Variants in VWCE observed in about 807,000 individuals in gnomAD.
VWCE encodes the protein von Willebrand factor C and EGF domain-containing protein.
In VWCE, 68 loss-of-function variants were observed where a neutral mutation model predicts 102.9. That is an observed-to-expected ratio of 0.66 (90% CI 0.54 to 0.81). The LOEUF is 0.81. VWCE is among the 30% of genes least tolerant of loss of function. The pLI is 0.00. For synonymous variants in VWCE, 497 were observed against 515.4 expected (o/e 0.96, Z 0.48); for missense variants, 1,137 against 1,263.6 (o/e 0.90, Z 1.52).
chr11:61,274,464 A>G, intron 12 of VWCE, 35 bp downstream of exon 12: 2 of 1,601,780 alleles, frequency 1.2e-6, no homozygotes, highest in Non-Finnish European at 8.5e-7. Context: ...CCTCTCCATC[A>G]ATTCCACAGG....
At position 61,285,331 on chromosome 11, in the gene VWCE, C is replaced by T. The variant is rs149873491; in HGVS notation, c.541+983G>A. The stretch of plus-strand genomic sequence containing the variant: ...TCAGGGGGAGGTCACAATTATCGGC[C>T]TTGTGAGATTCTTTCCATAATGTGT... On this transcript the variant is annotated intron_variant, in intron 5 of 19. Coordinates refer to ENST00000335613, the MANE Select transcript of VWCE (RefSeq NM_152718.2). Among the ~76,000 whole-genome samples, 751 of 152,158 alleles carry T rather than the reference C, an allele frequency of 4.9e-3. 9 individuals carry two copies. Among genetic ancestry groups the T allele is most frequent in the African/African-American group, 0.017 (703 of 41,504 alleles).
At chr11:61,282,714 G>A (rs916277068) in intron 6 of VWCE, 75 bp downstream of exon 6, 28 of 1,219,522 alleles carry the variant, frequency 2.3e-5, no homozygotes, top group African/African-American at 1.5e-4. Flanking sequence ...TAACCTTCCC[G>A]GGTCCCTGGG....
Position 61,281,151 on chromosome 11 carries a change from G to A in VWCE, c.872C>T (p.Ala291Val), listed in dbSNP as rs773828849. 7.4e-6 allele frequency: 12 copies of A among 1,613,640 alleles called. No homozygotes were observed. In the African/African-American group the frequency reaches 1.5e-4, roughly 20 times the overall value. The change falls in exon 8 of 20, where the codon GCC becomes GTC. Residue 291 changes from alanine (A) to valine (V), a missense_variant. Physicochemically the swap from Ala to Val is moderately conservative, Grantham distance 64 (BLOSUM62 0). Coordinates refer to ENST00000335613, the MANE Select transcript of VWCE (RefSeq NM_152718.2). Reference sequence around the variant, plus strand: ...TCCTGGGGACAGGGCAGGCCGGCCGGCCTCAGGAAGCAACAGAAGCATCTT... The same window carrying A: ...TCCTGGGGACAGGGCAGGCCGGCCGACCTCAGGAAGCAACAGAAGCATCTT... ...PSKMLLLLPEAGRPALSPGHS... is the reference protein window; with the variant it reads ...PSKMLLLLPEVGRPALSPGHS...
Position 61,262,322 on chromosome 11 carries a change from G to C in VWCE, c.2230+2165C>G, listed in dbSNP as rs183770854. Among the ~76,000 whole-genome samples the C allele has an allele frequency of 2.7e-4, 41 of 152,260 alleles. 1 individual carries two copies. Among genetic ancestry groups the C allele is most frequent in the Non-Finnish European group, 5.1e-4 (35 of 68,024 alleles). ...GGAGGGCACGGTGGGAAAGAGGACA[G>C]GATAGGAAATAAGAGAGACCTAGGC... On this transcript the variant is annotated intron_variant, in intron 19 of 19. Transcript: ENST00000335613.
intron 13 of VWCE, 52 bp downstream of exon 13, chr11:61,273,147 C>T: frequency 6.4e-7 from 1 of 1,574,316 alleles, no homozygotes; most frequent in South Asian, 1.1e-5. Flanking sequence ...GAAGCTCAGC[C>T]TCTCTCCCCA....
At chr11:61,291,692 G>A in intron 1 of VWCE, 116 bp from the exon 2 acceptor site, 1 of 883,132 alleles carries the variant, frequency 1.1e-6, no homozygotes, top group Non-Finnish European at 1.6e-6. Flanking sequence ...AGAACTGTCT[G>A]GAGGGGCAAT....
chr11:61,271,800 C>CTAGA, intron 13 of VWCE, 40 bp from the exon 14 acceptor site: 1 of 1,584,496 alleles, frequency 6.3e-7, no homozygotes, highest in South Asian at 1.1e-5. Context: ...GGCACAAGAC[C>CTAGA]TAGACTACAA....
At position 61,288,838 on chromosome 11, in the gene VWCE, C is replaced by T. The variant is rs1053089011; in HGVS notation, c.424+1961G>A. Among the ~76,000 whole-genome samples the T allele has an allele frequency of 1.0e-4, 15 of 143,622 alleles. 1 individual carries two copies. Among genetic ancestry groups the T allele is most frequent in the African/African-American group, 4.0e-4 (15 of 37,632 alleles). The allele number at this position is 143,622 out of a possible 152,430, so 94.2% of individuals were successfully genotyped here. A position where few individuals can be genotyped will look rare whatever the true frequency, so the allele number is the denominator to read the frequency against. On this transcript the variant is annotated intron_variant, in intron 4 of 19. Transcript: ENST00000335613. ...GCTGACAGGAAGCCTCTTTATGGCG[C>T]GTTTTTTTTTTTTTTTTTGAGACGG...
At position 61,278,409 on chromosome 11, in the gene VWCE, G is replaced by A. The variant is rs200187458; in HGVS notation, c.1392C>T (p.Thr464=). 34 of 1,613,978 alleles carry A rather than the reference G, an allele frequency of 2.1e-5. No individual in the cohort carries two copies. The Admixed American group carries it at 3.8e-4, about 18-fold the overall frequency. ...DVFSPPNENC[T]VCVCLAGNVS... Reference sequence around the variant, plus strand: ...TGACGCTTACCAGACAGACACAGACGGTGCAGTTCTCATTGGGAGGTGAAA... The same window carrying A: ...TGACGCTTACCAGACAGACACAGACAGTGCAGTTCTCATTGGGAGGTGAAA... The change falls in exon 10 of 20, where the codon ACC becomes ACT. Residue 464 remains threonine (T), a synonymous_variant. Coordinates refer to ENST00000335613, the MANE Select transcript of VWCE (RefSeq NM_152718.2).
chr11:61,283,209 A>C (rs1409099864), intron 5 of VWCE, among the ~76,000 whole-genome samples: 3 of 152,152 alleles, frequency 2.0e-5, no homozygotes, highest in Admixed American at 6.5e-5. Flanking sequence ...CACAGCCTCC[A>C]GGATGTTCTG....
intron 10 of VWCE, among the ~76,000 whole-genome samples, 192 bp downstream of exon 10, chr11:61,278,202 T>G (rs1854987268): frequency 6.6e-6 from 1 of 152,196 alleles, no homozygotes; most frequent in Non-Finnish European, 1.5e-5. Context: ...CCTCCCTTAC[T>G]CCACCAACCT....
In VWCE at chr11:61,259,231, T is replaced by A; in HGVS notation, c.2312A>T (p.His771Leu). The part of the protein sequence containing the change: ...VAFSKAGRSL[H>L]GDTEAPVNCS... ...GTTGACAGGGGCCTCAGTGTCTCCA[T>A]GCAGGCTCCGACCAGCTTTGCTGAA... Residue 771 changes from histidine (H) to leucine (L), a missense_variant, in exon 20 of 20, where the codon CAT (histidine) becomes CTT (leucine). His to Leu is a moderately conservative substitution (Grantham distance 99). Coordinates refer to ENST00000335613, the MANE Select transcript of VWCE (RefSeq NM_152718.2). The A allele has an allele frequency of 6.2e-7, 1 of 1,613,828 alleles. No homozygotes were observed. The highest frequency in any genetic ancestry group is 8.5e-7 in the Non-Finnish European group (1 of 1,179,776).
At chr11:61,267,653 G>T (rs1412477336) in intron 15 of VWCE, 109 bp from the exon 16 acceptor site, 15 of 951,656 alleles carry the variant, frequency 1.6e-5, no homozygotes, top group South Asian at 1.4e-4. Flanking sequence ...GAGGCCATGT[G>T]CCTCCCCAGG....
rs758526725 is a variant in VWCE at position 61,281,043 on chromosome 11, G to A, written c.980C>T (p.Thr327Ile). 176 of 1,587,746 alleles carry A rather than the reference G, an allele frequency of 1.1e-4. No individual in the cohort carries two copies. The highest frequency in any genetic ancestry group is 3.4e-4 in the Middle Eastern group (2 of 5,940). ...CCACACAGGGGCAGAAGGGGAGGAT[G>A]TGGGTAGTCGTGGGGTGGGAGATGG... ...RLPSPTPRLP[T>I]SSPSAPVWLL... The change falls in exon 8 of 20, where the codon ACA becomes ATA. Residue 327 changes from threonine (T) to isoleucine (I), a missense_variant. Thr to Ile is a moderately conservative substitution (Grantham distance 89, BLOSUM62 -1). Transcript: ENST00000335613.
At position 61,282,668 on chromosome 11, in the gene VWCE, C is replaced by T. The variant is rs553041135; in HGVS notation, c.658+121G>A. On this transcript the variant is annotated intron_variant, in intron 6 of 19. Transcript: ENST00000335613. ...CAGGCTCTGAGCCAAAGGCTCAAGC[C>T]CCTTCAAGCTCCAGAGGACCAGAAA... 4 of 785,234 alleles carry T rather than the reference C, an allele frequency of 5.1e-6. No homozygotes were observed. In the East Asian group the frequency reaches 7.4e-5, roughly 14 times the overall value. 48.6% of individuals were successfully genotyped at this position (785,234 alleles called of 1,614,324 possible).
chr11:61,259,222 G>A lies in VWCE; in HGVS notation c.2321C>T (p.Thr774Ile), dbSNP rs1365605041. The A allele has an allele frequency of 1.2e-6, 2 of 1,614,150 alleles. No individual in the cohort carries two copies. Among genetic ancestry groups the A allele is most frequent in the African/African-American group, 2.7e-5 (2 of 75,056 alleles). Reference protein sequence around the residue: ...SKAGRSLHGDTEAPVNCSSCP... With the variant: ...SKAGRSLHGDIEAPVNCSSCP... ...GGAGCTACAGTTGACAGGGGCCTCA[G>A]TGTCTCCATGCAGGCTCCGACCAGC... is the stretch of plus-strand genomic sequence containing the variant. The change falls in exon 20 of 20, where the codon ACT becomes ATT. Residue 774 changes from threonine (T) to isoleucine (I), a missense_variant. Transcript: ENST00000335613.
At chr11:61,292,488 T>G (rs1855536303) in intron 1 of VWCE, among the ~76,000 whole-genome samples, 1 of 152,066 alleles carries the variant, frequency 6.6e-6, no homozygotes, top group African/African-American at 2.4e-5. Flanking sequence ...TGGCATGTAG[T>G]AGGTGCTCAA....
Position 61,262,950 on chromosome 11 carries a change from C to T in VWCE, c.2230+1537G>A, listed in dbSNP as rs58226134. Among the ~76,000 whole-genome samples the T allele has an allele frequency of 9.9e-3, 1,506 of 152,320 alleles. 29 individuals are homozygous for T. Among genetic ancestry groups the T allele is most frequent in the African/African-American group, 0.033 (1,384 of 41,568 alleles). On this transcript the variant is annotated intron_variant, in intron 19 of 19. Transcript: ENST00000335613. ...CAAGCTATGGAACCAACCTAAGCAT[C>T]CATCAATAGTACTTCATTGTGTGCA...
Position 61,281,926 on chromosome 11 carries a change from C to A in VWCE, c.659-12G>T. Reference sequence around the variant, plus strand: ...ACACTCGTTTACATCTGCGGGAGAGCCTCGCTGCGGACAGCTGCTTTGTTT... The same window carrying A: ...ACACTCGTTTACATCTGCGGGAGAGACTCGCTGCGGACAGCTGCTTTGTTT... On this transcript the variant is annotated splice_polypyrimidine_tract_variant and intron_variant, in intron 6 of 19. Transcript: ENST00000335613. 1.9e-6 allele frequency: 3 copies of A among 1,608,348 alleles called. No individual in the cohort carries two copies. In the African/African-American group the frequency reaches 4.0e-5, roughly 21 times the overall value.
Sources: allele counts gnomAD v4.1 joint callset (sites outside exome capture counted in the v4.1 genomes callset), GRCh38; gene constraint gnomAD v4.1.1; transcripts MANE v1.5; gene names NCBI Gene and HGNC (gene_info 2026-07-23, HGNC 2026-07-21).